TDRD7: variants seen among roughly 807,000 people sequenced by gnomAD.
The protein encoded by TDRD7 is tudor domain containing 7.
A neutral mutation model predicts 109.8 loss-of-function variants in TDRD7; 47 were observed. That is an observed-to-expected ratio of 0.43 (90% CI 0.34 to 0.55). The LOEUF (loss-of-function observed/expected upper bound fraction) is 0.55. Ranked by LOEUF, TDRD7 falls within the 20% of genes least tolerant of loss-of-function variation. The pLI is 0.03. For synonymous variants in TDRD7, 424 were observed against 457.3 expected, an observed-to-expected ratio of 0.93 and a Z score of 0.93; for missense variants, 1,164 against 1,319.2, an observed-to-expected ratio of 0.88 and a Z score of 1.82.
intron 7 of TDRD7, among the ~76,000 whole-genome samples, chr9:97,461,946 T>C (rs945708360): frequency 1.3e-5 from 2 of 152,206 alleles, no homozygotes; most frequent in African/African-American, 4.8e-5. Context: ...AAATGAAATC[T>C]GAGTAGATAA....
chr9:97,447,589 A>G (rs1828423885), intron 6 of TDRD7, among the ~76,000 whole-genome samples: 1 of 152,208 alleles, frequency 6.6e-6, no homozygotes. Flanking sequence ...ACTTGAAAAG[A>G]AATAAAGAGC....
intron 9 of TDRD7, among the ~76,000 whole-genome samples, chr9:97,471,744 G>T (rs1828917307): frequency 6.6e-6 from 1 of 152,142 alleles, no homozygotes; most frequent in Non-Finnish European, 1.5e-5. Flanking sequence ...AGAGTAGTTG[G>T]ACTACAACAA....
chr9:97,421,298 T>C (rs1827896008), intron 1 of TDRD7, among the ~76,000 whole-genome samples: 1 of 152,250 alleles, frequency 6.6e-6, no homozygotes, highest in African/African-American at 2.4e-5. Context: ...TAGTGATACT[T>C]CATTGTGAAT....
chr9:97,455,141 C>G (rs1041765901), intron 6 of TDRD7, among the ~76,000 whole-genome samples: 1 of 152,146 alleles, frequency 6.6e-6, no homozygotes, highest in African/African-American at 2.4e-5. Flanking sequence ...AATCGAATCC[C>G]TGAGTAGACC....
chr9:97,492,951 G>T lies in TDRD7; in HGVS notation c.3077-2712G>T, dbSNP rs543260215. Among the ~76,000 whole-genome samples, 3 of 152,338 alleles carry T rather than the reference G, an allele frequency of 2.0e-5. No individual in the cohort carries two copies. The South Asian group carries it at 6.2e-4, about 32-fold the overall frequency. On this transcript the variant is annotated intron_variant, in intron 16 of 16. Coordinates refer to ENST00000355295, the MANE Select transcript of TDRD7 (RefSeq NM_014290.3). ...AAGTTTCATGGAAGTCACTGGTTGT[G>T]ACATGGCCATTGGAGTCATCACTTT...
At chr9:97,414,336 T>G (rs538824227) in intron 1 of TDRD7, among the ~76,000 whole-genome samples, 1 of 152,386 alleles carries the variant, frequency 6.6e-6, no homozygotes, top group African/African-American at 2.4e-5. Context: ...AGCTACCCAG[T>G]GTGACTTCAA....
In TDRD7 at chr9:97,469,806, C is replaced by A. The variant is rs1023508637; in HGVS notation, c.1630-752C>A. Among the ~76,000 whole-genome samples, 9 of 152,226 alleles carry A rather than the reference C, an allele frequency of 5.9e-5. No homozygotes were observed. In the East Asian group the frequency reaches 1.3e-3, roughly 23 times the overall value. ...TTAAACTGAAGATTCTATAAATATT[C>A]TTAAAAATAATATCCAGGCTCTTAA... On this transcript the variant is annotated intron_variant, in intron 8 of 16. Transcript: ENST00000355295.
At chr9:97,466,053 G>A (rs1401011790) in intron 8 of TDRD7, among the ~76,000 whole-genome samples, 1 of 152,164 alleles carries the variant, frequency 6.6e-6, no homozygotes, top group Non-Finnish European at 1.5e-5. Context: ...AGGGAAATAT[G>A]TTTCTATTTC....
chr9:97,449,658 A>G (rs1441466176), intron 6 of TDRD7, among the ~76,000 whole-genome samples: 1 of 152,174 alleles, frequency 6.6e-6, no homozygotes, highest in African/African-American at 2.4e-5. Flanking sequence ...TTCATTACGC[A>G]GGCATGTTGA....
chr9:97,417,984 G>C (rs556234450), intron 1 of TDRD7, among the ~76,000 whole-genome samples: 1 of 152,274 alleles, frequency 6.6e-6, no homozygotes, highest in South Asian at 2.1e-4. Flanking sequence ...AAGTAGCCAG[G>C]CATGGTGATG....
In TDRD7 at chr9:97,460,184, A is replaced by C. The variant is rs1828684793; in HGVS notation, c.862A>C (p.Lys288Gln). Residue 288 changes from lysine (K) to glutamine (Q), a missense_variant, in exon 7 of 17, where the codon AAA becomes CAA. This residue lies in a region of TDRD7 where 407 missense variants were observed against 394.0 expected (regional missense o/e 1.03). Coordinates refer to ENST00000355295, the MANE Select transcript of TDRD7 (RefSeq NM_014290.3). ...CTTTATTTAAAAATTTCAGGTGGAG[A>C]AACCTTGCAGTGGTGGCCAAGATTT... is the stretch of plus-strand genomic sequence containing the variant. The part of the protein sequence containing the change: ...EHWPHICTVE[K>Q]PCSGGQDLLL... The C allele has an allele frequency of 1.2e-6, 2 of 1,614,038 alleles. No homozygotes were observed. Among genetic ancestry groups the C allele is most frequent in the African/African-American group, 2.7e-5 (2 of 74,926 alleles).
In TDRD7 at chr9:97,431,962, G is replaced by A; in HGVS notation, c.350-63G>A. On this transcript the variant is annotated intron_variant, in intron 3 of 16. Coordinates refer to ENST00000355295, the MANE Select transcript of TDRD7 (RefSeq NM_014290.3). ...ACAGAAAACATCTGGTCAGGGGAGT[G>A]TCATAATGAAAGTGGGGTTTGGGGA... 5 of 1,426,896 alleles carry A rather than the reference G, an allele frequency of 3.5e-6. No individual in the cohort carries two copies. In the South Asian group the frequency reaches 5.7e-5, roughly 16 times the overall value. The allele number at this position is 1,426,896 out of a possible 1,614,324, so 88.4% of individuals were successfully genotyped here. A position where few individuals can be genotyped will look rare whatever the true frequency, so the allele number is the denominator to read the frequency against.
At position 97,432,078 on chromosome 9, in the gene TDRD7, G is replaced by A. The variant is rs185257813; in HGVS notation, c.403G>A (p.Gly135Ser). 1 of 1,613,762 alleles carries A rather than the reference G, an allele frequency of 6.2e-7. No homozygotes were observed. The highest frequency in any genetic ancestry group is 2.2e-5 in the East Asian group (1 of 44,874). ...QPGFASNFSV[G>S]KKPNPAPLRD... Reference sequence around the variant, plus strand: ...AGGATTTGCTTCAAATTTTTCTGTTGGCAAAAAACCTAATCCAGCACCGTT... The same window carrying A: ...AGGATTTGCTTCAAATTTTTCTGTTAGCAAAAAACCTAATCCAGCACCGTT... Residue 135 changes from glycine to serine, a missense_variant, in exon 4 of 17, where the codon GGC becomes AGC. Gly to Ser is a moderately conservative substitution (Grantham distance 56, BLOSUM62 0). Transcript: ENST00000355295.
intron 1 of TDRD7, among the ~76,000 whole-genome samples, chr9:97,420,783 G>A (rs886279190): frequency 6.6e-6 from 1 of 152,128 alleles, no homozygotes; most frequent in Non-Finnish European, 1.5e-5. Flanking sequence ...TTTCTCTTGG[G>A]CAATAATGTA....
At chr9:97,434,758 A>G (rs1828164483) in intron 4 of TDRD7, among the ~76,000 whole-genome samples, 1 of 152,152 alleles carries the variant, frequency 6.6e-6, no homozygotes, top group South Asian at 2.1e-4. Context: ...TTAGCCAAAA[A>G]ATAGAAACAA....
rs1393596096 is a variant in TDRD7, at chr9:97,491,658, T to C, written c.3077-4005T>C. On this transcript the variant is annotated intron_variant, in intron 16 of 16. Coordinates refer to ENST00000355295, the MANE Select transcript of TDRD7 (RefSeq NM_014290.3). ...CTTCTTGGGGTCTTTCCCCCTAGCTTAGGTGGAGCAGGATGGCTAGAGGGG... is the reference window on the plus strand; with the variant it reads ...CTTCTTGGGGTCTTTCCCCCTAGCTCAGGTGGAGCAGGATGGCTAGAGGGG... 3.9e-5 allele frequency among the ~76,000 whole-genome samples: 6 copies of C among 152,220 alleles called. No individual in the cohort carries two copies. In the East Asian group the frequency reaches 1.2e-3, roughly 29 times the overall value.
intron 16 of TDRD7, among the ~76,000 whole-genome samples, chr9:97,494,413 T>C (rs991528175): frequency 2.6e-5 from 4 of 152,230 alleles, no homozygotes; most frequent in African/African-American, 9.6e-5. Flanking sequence ...GGAGCCATAC[T>C]GTGGAATCAT....
At position 97,473,753 on chromosome 9, in the gene TDRD7, C is replaced by G. The variant is rs1449078910; in HGVS notation, c.2079+127C>G. ...ATTTTTTAGTAGTCTGAAATGGAAT[C>G]TCTAGAATAGTAGGTAAAGAGCTCC... On this transcript the variant is annotated intron_variant, in intron 11 of 16. Transcript: ENST00000355295. The G allele has an allele frequency of 2.4e-6, 3 of 1,236,900 alleles. No homozygotes were observed. In the East Asian group the frequency reaches 7.5e-5, roughly 31 times the overall value. 76.6% of individuals were successfully genotyped at this position (1,236,900 alleles called of 1,614,324 possible).
chr9:97,481,651 G>A (rs188809782), intron 14 of TDRD7, among the ~76,000 whole-genome samples: 1 of 152,284 alleles, frequency 6.6e-6, no homozygotes, highest in Non-Finnish European at 1.5e-5. Context: ...GGGGTTTATA[G>A]TGTACAATTA....
Sources: allele counts gnomAD v4.1 joint callset (sites outside exome capture counted in the v4.1 genomes callset), GRCh38; gene constraint gnomAD v4.1.1; regional missense constraint gnomAD v4.1.1; transcripts MANE v1.5; gene names NCBI Gene and HGNC (gene_info 2026-07-23, HGNC 2026-07-21).